OLFM4: variants seen among roughly 807,000 people sequenced by gnomAD.
OLFM4 encodes olfactomedin-4.
A neutral mutation model predicts 25.5 loss-of-function variants in OLFM4; 22 were observed. The observed-to-expected ratio is 0.86, with a 90% CI of 0.62 to 1.23. OLFM4 has a LOEUF of 1.23. Among genes scored for constraint, OLFM4 ranks in the 50% most tolerant of loss-of-function variants. The pLI is 0.00. For missense variants in OLFM4, 594 were observed against 619.4 expected (o/e 0.96, Z 0.44); for synonymous variants, 255 against 237.7 (o/e 1.07, Z -0.67).
At chr13:53,031,049 C>T (rs73477221) in intron 1 of OLFM4, among the ~76,000 whole-genome samples, 8,666 of 152,210 alleles carry the variant, frequency 0.057, 800 homozygotes, top group African/African-American at 0.19. Context: ...AAATAAAATA[C>T]AGATCAAGAA....
At chr13:53,040,314 G>C (rs899426980) in intron 2 of OLFM4, among the ~76,000 whole-genome samples, 12 of 152,190 alleles carry the variant, frequency 7.9e-5, no homozygotes, top group Non-Finnish European at 1.8e-4. Flanking sequence ...GTAATTTAAA[G>C]GTCTGATTGC....
At position 53,034,369 on chromosome 13, in the gene OLFM4, TCCGTGGATGA is replaced by T. The variant is rs777546561; in HGVS notation, c.233_242del (p.Asp78GlyfsTer40). 6.8e-6 allele frequency: 11 copies of T among 1,613,156 alleles called. No individual in the cohort carries two copies. The African/African-American group carries it at 1.5e-4, about 22-fold the overall frequency. On this transcript the variant is annotated frameshift_variant, in exon 2 of 5. Transcript: ENST00000219022. LOFTEE classifies it high-confidence loss of function. ...GCAGTTGTTTTCCAATTTCACCGGC[TCCGTGGATGA>T]CCGTGGGACCTGCCAGTGCTCTGTT... is the stretch of plus-strand genomic sequence containing the variant.
At chr13:53,039,218 C>T (rs1387981969) in intron 2 of OLFM4, among the ~76,000 whole-genome samples, 2 of 152,238 alleles carry the variant, frequency 1.3e-5, no homozygotes, top group Non-Finnish European at 1.5e-5. Flanking sequence ...GTTCCAAGAG[C>T]TGGCAAGGCC....
In OLFM4 at chr13:53,051,034, T is replaced by TGAAGCCTACTGTGAGGAGGCTTCACTA. The variant is rs1481880095; in HGVS notation, c.*271_*297dup. ...AGGTCTAGGGGCACTGTGGGCCTAG[T>TGAAGCCTACTGTGAGGAGGCTTCACTA]GAAGCCTACTGTGAGGAGGCTTCAC... On this transcript the variant is annotated 3_prime_UTR_variant, in exon 5 of 5. Coordinates refer to ENST00000219022, the MANE Select transcript of OLFM4 (RefSeq NM_006418.5). 1 of 382,308 alleles carries TGAAGCCTACTGTGAGGAGGCTTCACTA rather than the reference T, an allele frequency of 2.6e-6. No individual in the cohort carries two copies. The highest frequency in any genetic ancestry group is 4.2e-5 in the Admixed American group (1 of 23,952). The allele number at this position is 382,308 out of a possible 1,614,324, so 23.7% of individuals were successfully genotyped here.
At chr13:53,049,827 C>G in intron 4 of OLFM4, 142 bp from the exon 5 acceptor site, 3 of 822,514 alleles carry the variant, frequency 3.6e-6, no homozygotes, top group East Asian at 2.6e-5. Context: ...AGGTTTGGCT[C>G]TTCTCCATCA....
intron 4 of OLFM4, among the ~76,000 whole-genome samples, chr13:53,048,989 C>T (rs553897572): frequency 6.6e-6 from 1 of 152,252 alleles, no homozygotes; most frequent in South Asian, 2.1e-4. Flanking sequence ...GGATGGCAGG[C>T]ATTTCAGCGG....
chr13:53,039,969 A>T (rs1954679047), intron 2 of OLFM4, among the ~76,000 whole-genome samples: 1 of 152,220 alleles, frequency 6.6e-6, no homozygotes, highest in Non-Finnish European at 1.5e-5. Context: ...GACAGAAGTT[A>T]GGATTGCTTT....
chr13:53,029,118 G>A, intron 1 of OLFM4, 78 bp downstream of exon 1: 2 of 1,585,746 alleles, frequency 1.3e-6, no homozygotes, highest in South Asian at 2.3e-5. Context: ...ACAATTTCAT[G>A]GATGGCTAGA....
rs1954751673 is a variant in OLFM4, at chr13:53,051,998, G to A, written c.*1227G>A. On this transcript the variant is annotated 3_prime_UTR_variant, in exon 5 of 5. Coordinates refer to ENST00000219022, the MANE Select transcript of OLFM4 (RefSeq NM_006418.5). ...GTTCAAGTCCTAGTCTATAGGATTG[G>A]CAGTTTAAATGCTTTACTCCCCCTT... 1 of 152,058 alleles carries A rather than the reference G, an allele frequency of 6.6e-6. No individual in the cohort carries two copies. Among genetic ancestry groups the A allele is most frequent in the Admixed American group, 6.6e-5 (1 of 15,252 alleles). 9.4% of individuals were successfully genotyped at this position (152,058 alleles called of 1,614,324 possible). A position where few individuals can be genotyped will look rare whatever the true frequency, so the allele number is the denominator to read the frequency against.
At chr13:53,033,110 T>C (rs1954637745) in intron 1 of OLFM4, among the ~76,000 whole-genome samples, 1 of 152,050 alleles carries the variant, frequency 6.6e-6, no homozygotes, top group Admixed American at 6.5e-5. Context: ...ATAGTAGTAA[T>C]AAAAAAATGT....
At chr13:53,042,212 T>A in intron 3 of OLFM4, 90 bp downstream of exon 3, 2 of 1,041,994 alleles carry the variant, frequency 1.9e-6, no homozygotes, top group African/African-American at 1.6e-5. Context: ...TGAAACTATC[T>A]CTTCCAACTT....
chr13:53,040,149 T>G (rs1376309557), intron 2 of OLFM4, among the ~76,000 whole-genome samples: 1 of 152,204 alleles, frequency 6.6e-6, no homozygotes, highest in East Asian at 1.9e-4. Context: ...AAAAAAGCCA[T>G]GGCATTTTCT....
intron 1 of OLFM4, among the ~76,000 whole-genome samples, chr13:53,030,826 G>A (rs1954625286): frequency 6.6e-6 from 1 of 152,174 alleles, no homozygotes; most frequent in African/African-American, 2.4e-5. Context: ...AGTTAGAGGA[G>A]GGAGGCTTGG....
At chr13:53,037,569 C>T (rs1426216186) in intron 2 of OLFM4, among the ~76,000 whole-genome samples, 1 of 152,130 alleles carries the variant, frequency 6.6e-6, no homozygotes, top group African/African-American at 2.4e-5. Context: ...CGTACATTAT[C>T]TCTAGTCTTT....
chr13:53,028,853 C>T lies in OLFM4; in HGVS notation c.17C>T (p.Ser6Leu). 6.2e-7 allele frequency: 1 copy of T among 1,614,228 alleles called. No homozygotes were observed. The highest frequency in any genetic ancestry group is 8.5e-7 in the Non-Finnish European group (1 of 1,180,036). The change falls in exon 1 of 5, where the codon TCA (serine) becomes TTA (leucine). Residue 6 changes from serine (S) to leucine (L), a missense_variant. Physicochemically the swap from Ser to Leu is moderately radical, Grantham distance 145. Coordinates refer to ENST00000219022, the MANE Select transcript of OLFM4 (RefSeq NM_006418.5). MRPGL[S>L]FLLALLFFLG... ...GAGGACAAGATGAGGCCCGGCCTCTCATTTCTCCTAGCCCTTCTGTTCTTC... is the reference window on the plus strand; with the variant it reads ...GAGGACAAGATGAGGCCCGGCCTCTTATTTCTCCTAGCCCTTCTGTTCTTC...
intron 2 of OLFM4, among the ~76,000 whole-genome samples, chr13:53,036,388 G>A (rs1413133479): frequency 6.6e-6 from 1 of 152,202 alleles, no homozygotes; most frequent in Non-Finnish European, 1.5e-5. Context: ...CTTTGAAATA[G>A]TGGAAACTAC....
rs1197319184 is a variant in OLFM4, at chr13:53,034,372, G to T, written c.229G>T (p.Val77Leu). 2 of 1,613,128 alleles carry T rather than the reference G, an allele frequency of 1.2e-6. No individual in the cohort carries two copies. The highest frequency in any genetic ancestry group is 1.7e-6 in the Non-Finnish European group (2 of 1,179,786). ...SQLFSNFTGS[V>L]DDRGTCQCSV... ...GTTGTTTTCCAATTTCACCGGCTCC[G>T]TGGATGACCGTGGGACCTGCCAGTG... The change falls in exon 2 of 5, where the codon GTG becomes TTG. Residue 77 changes from valine to leucine, a missense_variant. By Grantham distance (32) the Val-to-Leu change is conservative (BLOSUM62 1). Coordinates refer to ENST00000219022, the MANE Select transcript of OLFM4 (RefSeq NM_006418.5).
chr13:53,037,373 C>T (rs1047718034), intron 2 of OLFM4, among the ~76,000 whole-genome samples: 2 of 152,130 alleles, frequency 1.3e-5, no homozygotes, highest in Non-Finnish European at 2.9e-5. Flanking sequence ...CTAGTAGATC[C>T]TCATGCACGG....
chr13:53,044,522 A>G (rs1264991839), intron 4 of OLFM4, among the ~76,000 whole-genome samples: 1 of 152,206 alleles, frequency 6.6e-6, no homozygotes, highest in Non-Finnish European at 1.5e-5. Context: ...AGCCATAGAT[A>G]TAAGCCTCTT....
Sources: allele counts gnomAD v4.1 joint callset (sites outside exome capture counted in the v4.1 genomes callset), GRCh38; gene constraint gnomAD v4.1.1; transcripts MANE v1.5; gene names NCBI Gene and HGNC (gene_info 2026-07-23, HGNC 2026-07-21).